CYFIP2: variants seen among roughly 807,000 people sequenced by gnomAD.
CYFIP2 encodes the protein cytoplasmic FMR1 interacting protein 2.
CYFIP2 carries 29 observed loss-of-function variants against 158.7 expected under a neutral mutation model. That is an observed-to-expected ratio of 0.18 (90% CI 0.14 to 0.25). CYFIP2 has a LOEUF of 0.25. Among genes scored for constraint, CYFIP2 ranks in the 10% least tolerant of loss-of-function variants. The pLI is 1.00. For synonymous variants in CYFIP2, 585 were observed against 617.6 expected, an observed-to-expected ratio of 0.95 and a Z score of 0.78; for missense variants, 852 against 1,639.5, an observed-to-expected ratio of 0.52 and a Z score of 8.29.
intron 3 of CYFIP2, among the ~76,000 whole-genome samples, chr5:157,290,102 C>T (rs1218576920): frequency 6.6e-6 from 1 of 152,158 alleles, no homozygotes; most frequent in African/African-American, 2.4e-5. Flanking sequence ...GGTCAAGACA[C>T]CAACAGAGCA....
chr5:157,295,042 C>T (rs957908370), intron 4 of CYFIP2, among the ~76,000 whole-genome samples, 182 bp downstream of exon 4: 1 of 152,156 alleles, frequency 6.6e-6, no homozygotes, highest in Non-Finnish European at 1.5e-5. Flanking sequence ...ATGACAGGGA[C>T]GCATGTCGAG....
At chr5:157,338,174 A>G (rs181527061) in intron 21 of CYFIP2, among the ~76,000 whole-genome samples, 50 of 152,342 alleles carry the variant, frequency 3.3e-4, no homozygotes, top group Non-Finnish European at 5.9e-4. Flanking sequence ...ATTTCCCAAC[A>G]AATGCCATGT....
At chr5:157,288,404 A>T (rs994574952) in intron 3 of CYFIP2, among the ~76,000 whole-genome samples, 6 of 152,160 alleles carry the variant, frequency 3.9e-5, no homozygotes, top group African/African-American at 1.4e-4. Context: ...ACACACTCCA[A>T]CCACAGCACT....
rs147797897 is a variant in CYFIP2, at chr5:157,268,603, G to A, written c.-24+2408G>A. On this transcript the variant is annotated intron_variant, in intron 1 of 30. Transcript: ENST00000620254. ...TTAAAGATTGGACTACACTCTCAAC[G>A]CAGCTTCTTTGGACCACTGTTGGCC... 1.7e-4 allele frequency among the ~76,000 whole-genome samples: 26 copies of A among 152,336 alleles called. No homozygotes were observed. In the East Asian group the frequency reaches 4.6e-3, roughly 27 times the overall value.
Position 157,311,065 on chromosome 5 carries a change from G to C in CYFIP2, c.993-599G>C, listed in dbSNP as rs774409407. 1 of 455,398 alleles carries C rather than the reference G, an allele frequency of 2.2e-6. No individual in the cohort carries two copies. Among genetic ancestry groups the C allele is most frequent in the East Asian group, 7.0e-5 (1 of 14,320 alleles). 28.2% of individuals were successfully genotyped at this position (455,398 alleles called of 1,614,324 possible). On this transcript the variant is annotated intron_variant, in intron 10 of 30. Coordinates refer to ENST00000620254, the MANE Select transcript of CYFIP2 (RefSeq NM_001037333.3). This position sits in a 1 kb window ranked among gnomAD's most constrained non-coding sequence, Gnocchi z 4.7. ...AAAAGGCGGAGGGAAGGAGGAAAGA[G>C]GGTGGAAAGAGAAGGAGAGAAGGGG...
chr5:157,288,991 G>A (rs1757613738), intron 3 of CYFIP2, among the ~76,000 whole-genome samples: 1 of 152,110 alleles, frequency 6.6e-6, no homozygotes, highest in Non-Finnish European at 1.5e-5. Flanking sequence ...ATATATGTAA[G>A]GCATTTTCAT....
At chr5:157,340,290 G>A (rs759644474) in intron 22 of CYFIP2, among the ~76,000 whole-genome samples, 11 of 152,268 alleles carry the variant, frequency 7.2e-5, no homozygotes, top group Non-Finnish European at 1.6e-4. Context: ...CTCAAGGCCA[G>A]TATTGAATGA....
intron 26 of CYFIP2, among the ~76,000 whole-genome samples, chr5:157,381,494 C>G (rs959521830): frequency 1.4e-5 from 2 of 146,998 alleles, no homozygotes; most frequent in African/African-American, 5.1e-5. Context: ...TACCACTGCA[C>G]TCCAGCCTGG....
chr5:157,371,782 T>G (rs989761695), intron 26 of CYFIP2, among the ~76,000 whole-genome samples: 18 of 152,220 alleles, frequency 1.2e-4, no homozygotes, highest in Non-Finnish European at 5.9e-5. Flanking sequence ...ATCCCTTAAA[T>G]TCTGATGTGA....
intron 8 of CYFIP2, 88 bp from the exon 9 acceptor site, chr5:157,307,673 G>A: frequency 1.5e-6 from 1 of 688,578 alleles, no homozygotes; most frequent in Non-Finnish European, 2.6e-6. Flanking sequence ...GTGTGTGTGT[G>A]TGACACATAT....
chr5:157,384,614 C>A, intron 28 of CYFIP2: 1 of 417,578 alleles, frequency 2.4e-6, no homozygotes, highest in Non-Finnish European at 4.9e-6. Flanking sequence ...CCCCCGCATG[C>A]CACCAACCTC....
chr5:157,343,625 C>T (rs1241832365), intron 23 of CYFIP2: 1 of 1,123,498 alleles, frequency 8.9e-7, no homozygotes. Flanking sequence ...ATTTATTGCA[C>T]ATTTGAGACG....
intron 1 of CYFIP2, among the ~76,000 whole-genome samples, chr5:157,275,051 G>A (rs1756435609): frequency 6.6e-6 from 1 of 152,106 alleles, no homozygotes; most frequent in African/African-American, 2.4e-5. Context: ...AGGATTACAG[G>A]CATGAGCCAC....
At chr5:157,346,606 T>G (rs768579471) in intron 23 of CYFIP2, among the ~76,000 whole-genome samples, 1 of 152,182 alleles carries the variant, frequency 6.6e-6, no homozygotes, top group Non-Finnish European at 1.5e-5. Context: ...GGCATGGTTC[T>G]GCGAGAGCCT....
At chr5:157,288,568 G>A in intron 3 of CYFIP2, 3 of 455,858 alleles carry the variant, frequency 6.6e-6, no homozygotes, top group South Asian at 4.7e-5. Context: ...AGTCAAGTGG[G>A]AAATAGATAA....
chr5:157,367,800 G>A (rs900470288), intron 26 of CYFIP2, among the ~76,000 whole-genome samples: 49 of 146,018 alleles, frequency 3.4e-4, no homozygotes, highest in Non-Finnish European at 2.4e-4. Flanking sequence ...TGTTGCCCAG[G>A]CTGGAGTGCA....
intron 29 of CYFIP2, 53 bp downstream of exon 29, chr5:157,389,480 C>T (rs908930115): frequency 6.9e-7 from 1 of 1,454,772 alleles, no homozygotes; most frequent in African/African-American, 1.4e-5. Context: ...TGTGCTCCTG[C>T]AAGTCATGGG....
chr5:157,287,411 G>A (rs948136702), intron 3 of CYFIP2, among the ~76,000 whole-genome samples: 1 of 152,170 alleles, frequency 6.6e-6, no homozygotes, highest in Non-Finnish European at 1.5e-5. Context: ...ATTGGATCTT[G>A]CCTTGTTTAT....
rs981402055 is a variant in CYFIP2, at chr5:157,395,547, A to G, written c.*2547A>G. 2 of 1,125,252 alleles carry G rather than the reference A, an allele frequency of 1.8e-6. No individual in the cohort carries two copies. Among genetic ancestry groups the G allele is most frequent in the Non-Finnish European group, 2.4e-6 (2 of 839,556 alleles). The allele number at this position is 1,125,252 out of a possible 1,614,324, so 69.7% of individuals were successfully genotyped here. A position where few individuals can be genotyped will look rare whatever the true frequency, so the allele number is the denominator to read the frequency against. ...TTTTGGGGGTACCTGTGTTGAGTTG[A>G]TAAACATTTCCATCTTCATTAAAAC... On this transcript the variant is annotated 3_prime_UTR_variant, in exon 31 of 31. Coordinates refer to ENST00000620254, the MANE Select transcript of CYFIP2 (RefSeq NM_001037333.3).
Sources: allele counts gnomAD v4.1 joint callset (sites outside exome capture counted in the v4.1 genomes callset), GRCh38; gene constraint gnomAD v4.1.1; non-coding constraint Gnocchi (gnomAD v3.1); transcripts MANE v1.5; gene names NCBI Gene and HGNC (gene_info 2026-07-23, HGNC 2026-07-21).